PGAP6: variants seen among roughly 807,000 people sequenced by gnomAD.
The protein encoded by PGAP6 is post-GPI attachment to proteins factor 6.
Under a neutral mutation model 68.4 loss-of-function variants are expected in PGAP6, and 62 were observed. That is an observed-to-expected ratio of 0.91 (90% confidence interval 0.74 to 1.12). The LOEUF is 1.12. Ranked by LOEUF, PGAP6 falls within the 50% of genes most tolerant of loss-of-function variation. The probability of loss-of-function intolerance (pLI) is 0.00; values close to 1 mark genes in which losing one functional copy is unlikely to be tolerated. For missense variants in PGAP6, 1,188 were observed against 1,068.5 expected, an observed-to-expected ratio of 1.11 and a Z score of -1.56; for synonymous variants, 575 against 474.0, an observed-to-expected ratio of 1.21 and a Z score of -2.77.
chr16:371,745 G>T lies in PGAP6; in HGVS notation c.*242C>A. ...TCCAAGTAACCAAGCCCAGGCCCCA[G>T]GGGCCACTGCAGACAGCAGCTGGGA... On this transcript the variant is annotated 3_prime_UTR_variant, in exon 13 of 13. Transcript: ENST00000431232. 1.9e-6 allele frequency: 1 copy of T among 525,750 alleles called. No homozygotes were observed. Among genetic ancestry groups the T allele is most frequent in the East Asian group, 3.4e-5 (1 of 29,776 alleles). 32.6% of individuals were successfully genotyped at this position (525,750 alleles called of 1,614,324 possible).
chr16:385,510 A>T (rs1320374123), upstream of PGAP6, among the ~76,000 whole-genome samples: 2 of 143,248 alleles, frequency 1.4e-5, no homozygotes, highest in African/African-American at 2.6e-5. Context: ...ATGGGATTTC[A>T]CCCTGTTAGC....
intron 9 of PGAP6, 117 bp downstream of exon 9, chr16:374,639 T>C: frequency 7.2e-7 from 1 of 1,397,186 alleles, no homozygotes; most frequent in South Asian, 1.4e-5. Context: ...GCCCCTGCAT[T>C]GCTCTGCAAG....
At chr16:376,951 TCAGGGC>T (rs2054389904) in intron 4 of PGAP6, 80 bp downstream of exon 4, 1 of 1,575,390 alleles carries the variant, frequency 6.3e-7, no homozygotes, top group African/African-American at 1.4e-5. Context: ...ACCCCAGGAC[TCAGGGC>T]CAGGCTCTCG....
At chr16:373,907 A>G (rs1340240443) in intron 11 of PGAP6, 98 bp downstream of exon 11, 2 of 1,409,952 alleles carry the variant, frequency 1.4e-6, no homozygotes, top group Admixed American at 2.7e-5. Context: ...GCCGTGCCCA[A>G]CGCCAGGTCC....
Position 376,435 on chromosome 16 carries a change from T to C in PGAP6, c.925A>G (p.Thr309Ala). 6.4e-7 allele frequency: 1 copy of C among 1,570,736 alleles called. No homozygotes were observed. Among genetic ancestry groups the C allele is most frequent in the Non-Finnish European group, 8.6e-7 (1 of 1,156,406 alleles). Residue 309 changes from threonine (T) to alanine (A), a missense_variant, in exon 6 of 13, where the codon ACC becomes GCC. Coordinates refer to ENST00000431232, the MANE Select transcript of PGAP6 (RefSeq NM_021259.3). Reference sequence around the variant, plus strand: ...CTGCTCTGCAGAAGGGGCTGGATGGTCACGCTCCGTGGCCTGCAAGCTGCC... The same window carrying C: ...CTGCTCTGCAGAAGGGGCTGGATGGCCACGCTCCGTGGCCTGCAAGCTGCC... The part of the protein sequence containing the change: ...ALTACRPRSV[T>A]IQPLLQSSQN...
rs1310453995 is a variant in PGAP6 at position 377,519 on chromosome 16, C to T, written c.366G>A (p.Ala122=). The stretch of plus-strand genomic sequence containing the variant: ...CCCCGACCTGGAAGGAGGGCTGTAC[C>T]GCGGTGTCGTCCGGGAAGCTGGTGC... ...PLGTSFPDDT[A]VQPSFQVGVP... The change falls in exon 3 of 13, where the codon GCG becomes GCA. Residue 122 remains alanine (A), a synonymous_variant. Coordinates refer to ENST00000431232, the MANE Select transcript of PGAP6 (RefSeq NM_021259.3). 8 of 1,596,522 alleles carry T rather than the reference C, an allele frequency of 5.0e-6. No individual in the cohort carries two copies. Among genetic ancestry groups the T allele is most frequent in the African/African-American group, 2.7e-5 (2 of 74,686 alleles).
rs185413389 is a variant in PGAP6, at chr16:375,990, C to T, written c.1224+146G>A. The T allele has an allele frequency of 9.9e-4, 831 of 835,894 alleles. 15 individuals carry two copies. In the East Asian group the frequency reaches 0.022, roughly 22 times the overall value. 51.8% of individuals were successfully genotyped at this position (835,894 alleles called of 1,614,324 possible). The stretch of plus-strand genomic sequence containing the variant: ...ACAAGGCTGCCCAGCAGGGGAGGCC[C>T]CCCAACATGGGCCCCTGTCTTGGCC... On this transcript the variant is annotated intron_variant, in intron 6 of 12. Transcript: ENST00000431232.
Position 372,249 on chromosome 16 carries a change from G to C in PGAP6, c.2054C>G (p.Pro685Arg). Reference protein sequence around the residue: ...YRCGHRRQCYPTSWQRWAFYL... With the variant: ...YRCGHRRQCYRTSWQRWAFYL... ...GAAGGCCCAGCGCTGCCACGAGGTG[G>C]GGTAGCACTGGCGCCGGTGCCCGCA... Residue 685 changes from proline to arginine, a missense_variant, in exon 13 of 13, where the codon CCC (proline) becomes CGC (arginine). Transcript: ENST00000431232. 6.2e-7 allele frequency: 1 copy of C among 1,611,624 alleles called. No individual in the cohort carries two copies. The highest frequency in any genetic ancestry group is 8.5e-7 in the Non-Finnish European group (1 of 1,179,850).
chr16:373,643 G>A (rs958290391), intron 11 of PGAP6, among the ~76,000 whole-genome samples: 3 of 152,240 alleles, frequency 2.0e-5, no homozygotes, highest in African/African-American at 4.8e-5. Context: ...GGGATCAAGC[G>A]ATCCTCCCAC....
intron 1 of PGAP6, among the ~76,000 whole-genome samples, chr16:380,839 C>T (rs956321737): frequency 6.6e-5 from 10 of 152,202 alleles, no homozygotes; most frequent in Non-Finnish European, 1.5e-4. Flanking sequence ...GGGAACAGCA[C>T]CGCATCAGCT....
rs756479592 is a variant in PGAP6 at position 376,242 on chromosome 16, C to T, written c.1118G>A (p.Arg373Lys). 6.2e-7 allele frequency: 1 copy of T among 1,612,782 alleles called. No homozygotes were observed. The highest frequency in any genetic ancestry group is 2.2e-5 in the East Asian group (1 of 44,896). The change falls in exon 6 of 13, where the codon AGG (arginine) becomes AAG (lysine). Residue 373 changes from arginine to lysine, a missense_variant. Arg to Lys is a conservative substitution (Grantham distance 26, BLOSUM62 2). Transcript: ENST00000431232. ...VVSVHFQPLDRVSVRVCSDTP... is the reference protein window; with the variant it reads ...VVSVHFQPLDKVSVRVCSDTP... ...GTCCGAACACACCCTCACCGAGACCCTGTCCAGGGGCTGGAAGTGCACCGA... is the reference window on the plus strand; with the variant it reads ...GTCCGAACACACCCTCACCGAGACCTTGTCCAGGGGCTGGAAGTGCACCGA...
intron 4 of PGAP6, 46 bp downstream of exon 4, chr16:376,991 A>G: frequency 1.2e-6 from 2 of 1,608,140 alleles, no homozygotes; most frequent in South Asian, 1.1e-5. Context: ...GAATCTGAGA[A>G]GGGGCCGGAG....
Position 374,277 on chromosome 16 carries a change from G to A in PGAP6, c.1699C>T (p.Arg567Trp), listed in dbSNP as rs3743887. 0.09 allele frequency: 144,926 copies of A among 1,607,062 alleles called. 9,608 individuals are homozygous for A. The highest frequency in any genetic ancestry group is 0.31 in the South Asian group (28,158 of 91,052). The change falls in exon 10 of 13, where the codon CGG (arginine) becomes TGG (tryptophan). Residue 567 changes from arginine (R) to tryptophan (W), a missense_variant. Transcript: ENST00000431232. ...GAGGCCTCCACCAGGAAGAATCGCC[G>A]CACTGAGACGGCGATGGGGGCCAGG... is the stretch of plus-strand genomic sequence containing the variant. Reference protein sequence around the residue: ...MFLAPIAVSVRRFFLVEASVY... With the variant: ...MFLAPIAVSVWRFFLVEASVY...
upstream of PGAP6, chr16:382,488 G>C: frequency 2.7e-6 from 1 of 369,630 alleles, no homozygotes; most frequent in Non-Finnish European, 4.8e-6. Context: ...GTGCGTGTCA[G>C]ATCCACGCTT....
upstream of PGAP6, among the ~76,000 whole-genome samples, chr16:385,718 A>C (rs566999869): frequency 9.1e-6 from 1 of 109,982 alleles, no homozygotes; most frequent in Non-Finnish European, 1.8e-5. Flanking sequence ...TCCGCCTCCC[A>C]GGTTCACGCC....
chr16:382,318 G>A, upstream of PGAP6: 2 of 389,860 alleles, frequency 5.1e-6, no homozygotes, highest in Non-Finnish European at 9.1e-6. Context: ...GACCTCCGTG[G>A]CAGGCTCGGG....
Position 377,450 on chromosome 16 carries a change from A to G in PGAP6, c.435T>C (p.Val145=). The change falls in exon 3 of 13, where the codon GTT becomes GTC. Residue 145 remains valine, a synonymous_variant. Transcript: ENST00000431232. ...TTPRSNASVN[V]SHPAPGDWFV... is the part of the protein sequence containing the mutation. Reference sequence around the variant, plus strand: ...ACCAGTCCCCGGGGGCCGGGTGGGAAACGTTGACGGAGGCATTGCTTCTCG... The same window carrying G: ...ACCAGTCCCCGGGGGCCGGGTGGGAGACGTTGACGGAGGCATTGCTTCTCG... 6.2e-7 allele frequency: 1 copy of G among 1,610,202 alleles called. No homozygotes were observed. Among genetic ancestry groups the G allele is most frequent in the Non-Finnish European group, 8.5e-7 (1 of 1,178,854 alleles).
At chr16:385,862 G>A (rs1411301358), upstream of PGAP6, among the ~76,000 whole-genome samples, 1 of 151,756 alleles carries the variant, frequency 6.6e-6, no homozygotes, top group Admixed American at 6.6e-5. Flanking sequence ...CTGACCTCGT[G>A]ATCTGCCCAT....
At chr16:379,934 G>T (rs1311137054) in intron 1 of PGAP6, among the ~76,000 whole-genome samples, 1 of 152,256 alleles carries the variant, frequency 6.6e-6, no homozygotes, top group Admixed American at 6.5e-5. Context: ...CACGGACACA[G>T]GGCTGGGTGG....
Sources: allele counts gnomAD v4.1 joint callset (sites outside exome capture counted in the v4.1 genomes callset), GRCh38; gene constraint gnomAD v4.1.1; transcripts MANE v1.5; gene names NCBI Gene and HGNC (gene_info 2026-07-23, HGNC 2026-07-21).